COL18A1: variants seen among roughly 807,000 people sequenced by gnomAD.
COL18A1 encodes the protein collagen alpha-1(XVIII) chain.
In COL18A1, 133 loss-of-function variants were observed where a neutral mutation model predicts 168.0. The ratio of observed to expected loss-of-function variants is 0.79; its 90% CI spans 0.69 to 0.91. The LOEUF is 0.91. COL18A1 is among the 40% of genes least tolerant of loss of function. COL18A1 has a pLI of 0.00. For missense variants in COL18A1, 2,126 were observed against 1,925.4 expected (o/e 1.10, Z -1.95); for synonymous variants, 949 against 809.0 (o/e 1.17, Z -2.94).
chr21:45,492,524 C>G lies in COL18A1; in HGVS notation c.2158-11C>G. On this transcript the variant is annotated splice_polypyrimidine_tract_variant and intron_variant, in intron 22 of 41. Transcript: ENST00000651438. ...TCTTTGTTTCCGATTTTTCCTTTTGCTCGTGGACAGGGATCCGTCCTGAGC... is the reference window on the plus strand; with the variant it reads ...TCTTTGTTTCCGATTTTTCCTTTTGGTCGTGGACAGGGATCCGTCCTGAGC... 3 of 1,613,444 alleles carry G rather than the reference C, an allele frequency of 1.9e-6. No homozygotes were observed. The highest frequency in any genetic ancestry group is 2.5e-6 in the Non-Finnish European group (3 of 1,179,988).
rs1364828664 is a variant in COL18A1, at chr21:45,512,562, G to T, written c.*164G>T. The T allele has an allele frequency of 1.5e-6, 1 of 689,550 alleles. No homozygotes were observed. The highest frequency in any genetic ancestry group is 1.8e-5 in the African/African-American group (1 of 55,376). 42.7% of individuals were successfully genotyped at this position (689,550 alleles called of 1,614,324 possible). A position where few individuals can be genotyped will look rare whatever the true frequency, so the allele number is the denominator to read the frequency against. ...CCTCAAGAAATAAAAGGAAGCCAAA[G>T]AGTGTATTTTTTTAAAAGTTTAAAA... On this transcript the variant is annotated 3_prime_UTR_variant, in exon 42 of 42. Transcript: ENST00000651438.
intron 20 of COL18A1, 114 bp from the exon 21 acceptor site, chr21:45,490,722 C>T: frequency 8.6e-7 from 1 of 1,162,122 alleles, no homozygotes; most frequent in South Asian, 1.3e-5. Context: ...CCCTCCCAGG[C>T]CCCAGCCGGT....
Position 45,477,473 on chromosome 21 carries a change from G to GGCC in COL18A1, c.994_996dup (p.Arg332dup). ...GGACGGGAGTGTCCGGACCCCTGGG[G>GGCC]GCCGCGTGAAAGAGGTAAGGCCACC... On this transcript the variant is annotated inframe_insertion, in exon 7 of 42. Transcript: ENST00000651438. 1 of 1,611,244 alleles carries GGCC rather than the reference G, an allele frequency of 6.2e-7. No individual in the cohort carries two copies. Among genetic ancestry groups the GGCC allele is most frequent in the Non-Finnish European group, 8.5e-7 (1 of 1,178,850 alleles).
In COL18A1 at chr21:45,475,491, G is replaced by A. The variant is rs767419089; in HGVS notation, c.754G>A (p.Gly252Ser). ...DDSDGASGDS[G>S]SGLGDARELL... The stretch of plus-strand genomic sequence containing the variant: ...AACTCCTCAGGCATCCGGAGACTCT[G>A]GCAGCGGGCTCGGGGACGCCCGGGA... The change falls in exon 5 of 42, where the codon GGC (glycine) becomes AGC (serine). Residue 252 changes from glycine to serine, a missense_variant. Gly to Ser is a moderately conservative substitution (Grantham distance 56). Coordinates refer to ENST00000651438, the MANE Select transcript of COL18A1 (RefSeq NM_001379500.1). 6.2e-7 allele frequency: 1 copy of A among 1,605,596 alleles called. No individual in the cohort carries two copies. Among genetic ancestry groups the A allele is most frequent in the Non-Finnish European group, 8.5e-7 (1 of 1,177,680 alleles).
intron 6 of COL18A1, among the ~76,000 whole-genome samples, chr21:45,477,063 AG>A (rs1435245993): frequency 1.3e-5 from 2 of 151,984 alleles, no homozygotes; most frequent in Non-Finnish European, 2.9e-5. Flanking sequence ...TTTAAGTAAA[AG>A]TTAAGAGGGA....
At position 45,405,485 on chromosome 21, in the gene COL18A1, GC is replaced by G; in HGVS notation, c.106+13del. The G allele has an allele frequency of 7.4e-7, 1 of 1,355,344 alleles. No individual in the cohort carries two copies. The highest frequency in any genetic ancestry group is 9.6e-7 in the Non-Finnish European group (1 of 1,044,880). 84.0% of individuals were successfully genotyped at this position (1,355,344 alleles called of 1,614,324 possible). A position where few individuals can be genotyped will look rare whatever the true frequency, so the allele number is the denominator to read the frequency against. Reference sequence around the variant, plus strand: ...CTCCGCGGAGCCAGGTAAGACCCGGGCGGGACGGGAAGGTTCGCGCCGGTGC... The same window carrying G: ...CTCCGCGGAGCCAGGTAAGACCCGGGGGGACGGGAAGGTTCGCGCCGGTGC... On this transcript the variant is annotated intron_variant, in intron 2 of 41. Coordinates refer to ENST00000651438, the MANE Select transcript of COL18A1 (RefSeq NM_001379500.1).
At chr21:45,465,200 G>A (rs1175897570) in intron 2 of COL18A1, among the ~76,000 whole-genome samples, 1 of 152,182 alleles carries the variant, frequency 6.6e-6, no homozygotes, top group Non-Finnish European at 1.5e-5. Flanking sequence ...CCCGACTGGC[G>A]GGTTCATCGC....
At chr21:45,481,291 C>T (rs1390243875) in intron 13 of COL18A1, among the ~76,000 whole-genome samples, 1 of 152,160 alleles carries the variant, frequency 6.6e-6, no homozygotes, top group Non-Finnish European at 1.5e-5. Flanking sequence ...CTCTGCCACA[C>T]ATGACGGGCA....
intron 15 of COL18A1, among the ~76,000 whole-genome samples, chr21:45,486,197 A>G (rs1200366945): frequency 6.6e-6 from 1 of 151,764 alleles, no homozygotes; most frequent in African/African-American, 2.4e-5. Context: ...GCCTGTGTCT[A>G]CCCTAGCCCC....
At chr21:45,490,427 G>A (rs2036276099) in intron 20 of COL18A1, 81 bp downstream of exon 20, 4 of 1,087,680 alleles carry the variant, frequency 3.7e-6, no homozygotes, top group African/African-American at 2.3e-5. Context: ...GCTGGCACGA[G>A]ATGTGCCCTC....
chr21:45,509,853 C>T (rs2037468853), intron 39 of COL18A1, among the ~76,000 whole-genome samples: 1 of 152,222 alleles, frequency 6.6e-6, no homozygotes, highest in Admixed American at 6.5e-5. Flanking sequence ...ACAGCGGCAG[C>T]TGGGGGCACC....
At chr21:45,468,836 T>C (rs1197797401) in intron 3 of COL18A1, 50 bp downstream of exon 3, 1 of 630,574 alleles carries the variant, frequency 1.6e-6, no homozygotes. Context: ...TGGGATGGGG[T>C]GGGGTGGGGG....
intron 2 of COL18A1, among the ~76,000 whole-genome samples, chr21:45,429,117 G>T (rs755746561): frequency 6.6e-6 from 1 of 151,976 alleles, no homozygotes; most frequent in Non-Finnish European, 1.5e-5. Flanking sequence ...TGGCCAGGAT[G>T]GTCTCGATCT....
chr21:45,510,004 G>C, intron 39 of COL18A1, 60 bp from the exon 40 acceptor site: 1 of 1,517,236 alleles, frequency 6.6e-7, no homozygotes, highest in African/African-American at 1.4e-5. Flanking sequence ...TGGTGCGCCC[G>C]GGGCCTGGGT....
chr21:45,490,637 TGGGCCTCCGTGTGCCCACTCCCG>T lies in COL18A1; in HGVS notation c.2032-197_2032-175del, dbSNP rs1400981267. On this transcript the variant is annotated intron_variant, in intron 20 of 41. Transcript: ENST00000651438. ...GCCTTCGTGTGCCCTCCCAGGTCTC[TGGGCCTCCGTGTGCCCACTCCCG>T]GAGCGCCAGGAGTTAAGTATAAGTC... Among the ~76,000 whole-genome samples, 107 of 143,756 alleles carry T rather than the reference TGGGCCTCCGTGTGCCCACTCCCG, an allele frequency of 7.4e-4. 1 individual carries two copies. Among genetic ancestry groups the T allele is most frequent in the African/African-American group, 2.3e-3 (92 of 39,184 alleles). 94.3% of individuals were successfully genotyped at this position (143,756 alleles called of 152,430 possible).
chr21:45,497,494 C>T (rs1252931794), intron 31 of COL18A1, 105 bp from the exon 32 acceptor site: 3 of 1,433,190 alleles, frequency 2.1e-6, no homozygotes, highest in East Asian at 2.5e-5. Context: ...TCTGATGCCC[C>T]CCCATCCAGG....
At chr21:45,412,739 T>G (rs1195049626) in intron 2 of COL18A1, among the ~76,000 whole-genome samples, 1 of 152,224 alleles carries the variant, frequency 6.6e-6, no homozygotes, top group East Asian at 1.9e-4. Flanking sequence ...TGAAGGTGCT[T>G]GAGGCCTCAG....
intron 2 of COL18A1, among the ~76,000 whole-genome samples, chr21:45,413,658 G>A (rs1197989784): frequency 1.3e-5 from 2 of 152,242 alleles, no homozygotes; most frequent in Admixed American, 6.5e-5. Context: ...CCAGAAAGAA[G>A]GAAGCGTCCA....
In COL18A1 at chr21:45,482,035, C is replaced by T; in HGVS notation, c.1674+10C>T. 3 of 1,611,296 alleles carry T rather than the reference C, an allele frequency of 1.9e-6. No individual in the cohort carries two copies. Among genetic ancestry groups the T allele is most frequent in the Non-Finnish European group, 2.5e-6 (3 of 1,177,856 alleles). ...GCAGAAAGGCAGCCTGGTAAGTCTT[C>T]CCTCGAGTCCAGGGTGAGTGGGAAC... On this transcript the variant is annotated intron_variant, in intron 14 of 41. Coordinates refer to ENST00000651438, the MANE Select transcript of COL18A1 (RefSeq NM_001379500.1).
Sources: gnomAD v4.1 joint callset for allele counts (sites outside exome capture counted in the v4.1 genomes callset) on GRCh38, gnomAD v4.1.1 for gene constraint, MANE v1.5 for transcripts, NCBI Gene and HGNC (gene_info 2026-07-23, HGNC 2026-07-21) for gene names.